Variants in NKD1 observed in about 807,000 individuals in gnomAD.
NKD1 encodes NKD inhibitor of Wnt signaling pathway 1.
Under a neutral mutation model 56.0 loss-of-function variants are expected in NKD1, and 21 were observed. That is an observed-to-expected ratio of 0.38 (90% CI 0.27 to 0.54). NKD1 has a LOEUF of 0.54. Ranked by LOEUF, NKD1 falls within the 20% of genes least tolerant of loss-of-function variation. The pLI is 0.82. For synonymous variants in NKD1, 263 were observed against 265.7 expected (o/e 0.99, Z 0.10); for missense variants, 578 against 642.7 (o/e 0.90, Z 1.09).
At chr16:50,553,263 G>C (rs936366443) in intron 3 of NKD1, among the ~76,000 whole-genome samples, 3 of 152,332 alleles carry the variant, frequency 2.0e-5, no homozygotes, top group Non-Finnish European at 2.9e-5. Context: ...GTGTGCCTCT[G>C]TATATGCTCA....
At chr16:50,608,049 A>G in intron 3 of NKD1, 1 of 515,100 alleles carries the variant, frequency 1.9e-6, no homozygotes, top group South Asian at 2.3e-5. Flanking sequence ...GGGAGGCATG[A>G]TGGAAGACCC....
intron 3 of NKD1, among the ~76,000 whole-genome samples, chr16:50,597,572 C>T (rs74017737): frequency 0.027 from 4,086 of 152,226 alleles, 200 homozygotes; most frequent in African/African-American, 0.093. Context: ...TGAAGTGGAG[C>T]GTGGCCTTCC....
chr16:50,549,434 C>T lies in NKD1; in HGVS notation c.71C>T (p.Ala24Val). 7 of 1,611,398 alleles carry T rather than the reference C, an allele frequency of 4.3e-6. No homozygotes were observed. The highest frequency in any genetic ancestry group is 5.1e-6 in the Non-Finnish European group (6 of 1,178,924). Residue 24 changes from alanine (A) to valine (V), a missense_variant, in exon 3 of 10, where the codon GCC becomes GTC. By Grantham distance (64) the Ala-to-Val change is moderately conservative. Coordinates refer to ENST00000268459, the MANE Select transcript of NKD1 (RefSeq NM_033119.5). ...RRESPEGDSF[A>V]VSAAWARKGI... ...GTCCCCGTCCCAGGTGACAGCTTCG[C>T]CGTGAGCGCTGCCTGGGCTCGGAAG...
intron 3 of NKD1, among the ~76,000 whole-genome samples, chr16:50,597,192 G>A (rs913246308): frequency 1.3e-5 from 2 of 152,068 alleles, no homozygotes; most frequent in African/African-American, 2.4e-5. Flanking sequence ...TTGGTTTCAG[G>A]GTGTGTTTTG....
In NKD1 at chr16:50,598,301, C is replaced by T. The variant is rs559423547; in HGVS notation, c.193-9993C>T. Among the ~76,000 whole-genome samples the T allele has an allele frequency of 6.8e-4, 103 of 150,898 alleles. No homozygotes were observed. Among genetic ancestry groups the T allele is most frequent in the African/African-American group, 1.3e-3 (51 of 40,774 alleles). On this transcript the variant is annotated intron_variant, in intron 3 of 9. Transcript: ENST00000268459. The surrounding 1 kb of genome is among the most constrained non-coding windows in gnomAD (Gnocchi z 4.2). ...TGCTCATGGACACTCTTGTCCTGTC[C>T]GTAAAATGAGGCCTCAGGGTATAGG...
chr16:50,609,178 T>C (rs949975531), intron 4 of NKD1, among the ~76,000 whole-genome samples: 1 of 152,242 alleles, frequency 6.6e-6, no homozygotes, highest in Non-Finnish European at 1.5e-5. Context: ...ATCAGGACGC[T>C]TAAGCGTAGA....
At chr16:50,589,049 A>G (rs75937891) in intron 3 of NKD1, among the ~76,000 whole-genome samples, 1 of 152,150 alleles carries the variant, frequency 6.6e-6, no homozygotes. Flanking sequence ...TCAGTGCGGC[A>G]CACCATTTGG....
intron 4 of NKD1, among the ~76,000 whole-genome samples, chr16:50,611,719 G>A (rs1010813167): frequency 6.6e-6 from 1 of 152,154 alleles, no homozygotes; most frequent in South Asian, 2.1e-4. Flanking sequence ...CTGTGAATTC[G>A]CAGCTCAGAC....
In NKD1 at chr16:50,632,127, C is replaced by T. The variant is rs1368898433; in HGVS notation, c.696-154C>T. 2.0e-5 allele frequency among the ~76,000 whole-genome samples: 3 copies of T among 152,042 alleles called. No individual in the cohort carries two copies. Among genetic ancestry groups the T allele is most frequent in the East Asian group, 1.9e-4 (1 of 5,172 alleles). On this transcript the variant is annotated intron_variant, in intron 8 of 9. Transcript: ENST00000268459. The surrounding 1 kb of genome is among the most constrained non-coding windows in gnomAD (Gnocchi z 4.1). ...CAAGGAGGGAAATGGAGGCACAGTT[C>T]GTATAGAGGACTGTTCCTCCCCACC...
intron 3 of NKD1, chr16:50,606,703 G>T: frequency 2.3e-6 from 1 of 435,118 alleles, no homozygotes; most frequent in Admixed American, 2.4e-5. Flanking sequence ...CTGTCACCCG[G>T]CTGCAGTGCA....
At chr16:50,560,718 T>G (rs1960604861) in intron 3 of NKD1, among the ~76,000 whole-genome samples, 1 of 151,634 alleles carries the variant, frequency 6.6e-6, no homozygotes, top group Non-Finnish European at 1.5e-5. Flanking sequence ...AGTAAAAATA[T>G]GAGAAAACAT....
At chr16:50,550,380 G>C (rs1305356797) in intron 3 of NKD1, among the ~76,000 whole-genome samples, 1 of 151,400 alleles carries the variant, frequency 6.6e-6, no homozygotes, top group Non-Finnish European at 1.5e-5. Flanking sequence ...TTAACTTAGA[G>C]GGGGAATAGA....
chr16:50,605,982 T>G (rs1370965262), intron 3 of NKD1: 1 of 152,064 alleles, frequency 6.6e-6, no homozygotes, highest in African/African-American at 2.4e-5. Context: ...GCTTCTGGCC[T>G]AGAGACTCAA....
intron 3 of NKD1, among the ~76,000 whole-genome samples, chr16:50,560,727 A>G (rs747225598): frequency 4.6e-5 from 7 of 152,002 alleles, no homozygotes; most frequent in Non-Finnish European, 8.8e-5. Context: ...ATGAGAAAAC[A>G]TTATATATAG....
rs548882494 is a variant in NKD1 at position 50,578,401 on chromosome 16, G to A, written c.192+28846G>A. ...AGGAAGTAGGAATATTTGGGGGCAG[G>A]TAGCCATCTCTGCCATAGTACCAGC... On this transcript the variant is annotated intron_variant, in intron 3 of 9. Transcript: ENST00000268459. Among the ~76,000 whole-genome samples the A allele has an allele frequency of 4.6e-5, 7 of 152,306 alleles. 1 individual carries two copies. The South Asian group carries it at 1.5e-3, about 32-fold the overall frequency.
At chr16:50,628,298 G>T (rs1039205687) in intron 6 of NKD1, among the ~76,000 whole-genome samples, 1 of 152,192 alleles carries the variant, frequency 6.6e-6, no homozygotes, top group Admixed American at 6.5e-5. Flanking sequence ...CTGAGCGGCC[G>T]TGCCTCCCAG....
rs565283847 is a variant in NKD1 at position 50,628,658 on chromosome 16, C to T, written c.463-1528C>T. On this transcript the variant is annotated intron_variant, in intron 6 of 9. Coordinates refer to ENST00000268459, the MANE Select transcript of NKD1 (RefSeq NM_033119.5). ...AGACACCTGGAAGACATTGTATGGA[C>T]ACCCCTGTTCTGGTTGAGGGGTACC... Among the ~76,000 whole-genome samples the T allele has an allele frequency of 2.0e-5, 3 of 152,300 alleles. No individual in the cohort carries two copies. In the East Asian group the frequency reaches 5.8e-4, roughly 29 times the overall value.
chr16:50,614,466 C>T (rs1724748764), intron 4 of NKD1, among the ~76,000 whole-genome samples: 2 of 152,210 alleles, frequency 1.3e-5, no homozygotes, highest in South Asian at 4.1e-4. Flanking sequence ...CCTCTGTCCC[C>T]TGGTGGCTTC....
At chr16:50,613,899 A>G (rs1961905072) in intron 4 of NKD1, among the ~76,000 whole-genome samples, 1 of 152,168 alleles carries the variant, frequency 6.6e-6, no homozygotes, top group Non-Finnish European at 1.5e-5. Flanking sequence ...AGTGGCCACC[A>G]GCCTTATGCT....
Sources: allele counts gnomAD v4.1 joint callset (sites outside exome capture counted in the v4.1 genomes callset), GRCh38; gene constraint gnomAD v4.1.1; non-coding constraint Gnocchi (gnomAD v3.1); transcripts MANE v1.5; gene names NCBI Gene and HGNC (gene_info 2026-07-23, HGNC 2026-07-21).